The following PATJ variants were observed in gnomAD, a reference collection of about 807,000 sequenced individuals.
PATJ encodes the protein inaD-like protein.
PATJ carries 190 observed loss-of-function variants against 224.9 expected under a neutral mutation model. The observed-to-expected ratio is 0.84, with a 90% CI of 0.75 to 0.95. The LOEUF (loss-of-function observed/expected upper bound fraction) is 0.95, where lower values mean the gene tolerates loss of function less well. PATJ is among the 40% of genes least tolerant of loss of function. PATJ has a pLI of 0.00. For synonymous variants in PATJ, 769 were observed against 820.3 expected (o/e 0.94, Z 1.07); for missense variants, 2,121 against 2,270.3 (o/e 0.93, Z 1.34).
intron 26 of PATJ, among the ~76,000 whole-genome samples, chr1:61,923,644 G>A (rs545993822): frequency 7.4e-4 from 113 of 152,228 alleles, no homozygotes; most frequent in African/African-American, 2.1e-3. Context: ...CTAGCCGGGC[G>A]TGGTGGCTCA....
intron 1 of PATJ, among the ~76,000 whole-genome samples, chr1:61,753,989 A>C (rs548547604): frequency 6.6e-6 from 1 of 152,294 alleles, no homozygotes; most frequent in South Asian, 2.1e-4. Context: ...ACAATATTAT[A>C]ATAATTTCCT....
chr1:61,827,591 A>T lies in PATJ; in HGVS notation c.1980+8A>T. ...TCTCTTCCTGAGACAGAGGTACTAA[A>T]TGAATATAGTGCATTTCCCATAGGC... On this transcript the variant is annotated splice_region_variant and intron_variant, in intron 16 of 43. Transcript: ENST00000642238. 1 of 1,613,018 alleles carries T rather than the reference A, an allele frequency of 6.2e-7. No individual in the cohort carries two copies. Among genetic ancestry groups the T allele is most frequent in the Admixed American group, 1.7e-5 (1 of 59,922 alleles).
At chr1:61,877,024 G>A (rs982735584) in intron 21 of PATJ, among the ~76,000 whole-genome samples, 2 of 152,184 alleles carry the variant, frequency 1.3e-5, no homozygotes, top group African/African-American at 4.8e-5. Context: ...CTGTTTCCCA[G>A]GCTTTGCTCG....
intron 26 of PATJ, among the ~76,000 whole-genome samples, chr1:61,915,045 A>G (rs1673258228): frequency 6.6e-6 from 1 of 152,158 alleles, no homozygotes; most frequent in South Asian, 2.1e-4. Context: ...TTCTTTAAGG[A>G]CCACATCAAA....
At chr1:62,047,859 C>T (rs1315033279) in intron 30 of PATJ, among the ~76,000 whole-genome samples, 1 of 152,156 alleles carries the variant, frequency 6.6e-6, no homozygotes, top group Non-Finnish European at 1.5e-5. Flanking sequence ...CTATCTAATA[C>T]AATTTTCTGG....
rs1338912380 is a variant in PATJ, at chr1:62,161,036, C to T, written c.5631C>T (p.Thr1877=). Reference sequence around the variant, plus strand: ...TAAAACACCAGAGAGGGACTGTAACCTTAACTGTGCTGTCATGAGCCTCGG... The same window carrying T: ...TAAAACACCAGAGAGGGACTGTAACTTTAACTGTGCTGTCATGAGCCTCGG... ...AILKHQRGTV[T]LTVLS is the part of the protein sequence containing the mutation. The change falls in exon 44 of 44, where the codon ACC becomes ACT. Residue 1877 remains threonine, a synonymous_variant. Transcript: ENST00000642238. 2 of 1,577,580 alleles carry T rather than the reference C, an allele frequency of 1.3e-6. No homozygotes were observed. Among genetic ancestry groups the T allele is most frequent in the Non-Finnish European group, 1.7e-6 (2 of 1,162,770 alleles).
intron 6 of PATJ, among the ~76,000 whole-genome samples, 158 bp from the exon 7 acceptor site, chr1:61,775,048 C>A (rs1646837459): frequency 6.6e-6 from 1 of 152,192 alleles, no homozygotes; most frequent in Non-Finnish European, 1.5e-5. Context: ...ATATGATTAT[C>A]TCTGTCTGTA....
chr1:61,832,855 T>C (rs1659574770), intron 16 of PATJ, among the ~76,000 whole-genome samples: 1 of 152,206 alleles, frequency 6.6e-6, no homozygotes, highest in Admixed American at 6.5e-5. Flanking sequence ...AGAAGGTTTT[T>C]TGAAGCAGCC....
At chr1:61,952,467 T>C (rs1486018165) in intron 27 of PATJ, 1 of 716,560 alleles carries the variant, frequency 1.4e-6, no homozygotes, top group Non-Finnish European at 2.6e-6. Context: ...AATCTGATGC[T>C]GTTTTAGTGT....
At chr1:61,898,598 C>G (rs1670695221) in intron 22 of PATJ, among the ~76,000 whole-genome samples, 1 of 152,008 alleles carries the variant, frequency 6.6e-6, no homozygotes, top group Admixed American at 6.6e-5. Flanking sequence ...TAGAGTAATA[C>G]AATTTACAAC....
chr1:61,840,894 A>G (rs1660979141), intron 17 of PATJ, among the ~76,000 whole-genome samples: 1 of 152,112 alleles, frequency 6.6e-6, no homozygotes, highest in South Asian at 2.1e-4. Context: ...ACCACTTAAA[A>G]TGGATCCTTT....
At chr1:62,140,900 C>T (rs1453404751) in intron 41 of PATJ, among the ~76,000 whole-genome samples, 1 of 151,520 alleles carries the variant, frequency 6.6e-6, no homozygotes, top group African/African-American at 2.4e-5. Context: ...GAGAGCAAGA[C>T]CTCATCTCTA....
intron 1 of PATJ, among the ~76,000 whole-genome samples, chr1:61,754,319 T>G (rs1645499257): frequency 6.6e-6 from 1 of 152,200 alleles, no homozygotes; most frequent in South Asian, 2.1e-4. Flanking sequence ...GAGTGAGACA[T>G]AGGTTCCATT....
intron 17 of PATJ, among the ~76,000 whole-genome samples, chr1:61,844,045 T>A (rs779911438): frequency 7.9e-5 from 12 of 152,182 alleles, no homozygotes; most frequent in Non-Finnish European, 1.6e-4. Context: ...TAAATTCAAT[T>A]TGGAGTAGAC....
At chr1:61,814,673 A>G (rs1044048392) in intron 14 of PATJ, among the ~76,000 whole-genome samples, 1 of 152,070 alleles carries the variant, frequency 6.6e-6, no homozygotes, top group Non-Finnish European at 1.5e-5. Context: ...ATTTTTCTTC[A>G]TTTTGATCAG....
intron 20 of PATJ, among the ~76,000 whole-genome samples, chr1:61,874,178 T>TTATA (rs1048812951): frequency 3.7e-5 from 2 of 53,732 alleles, no homozygotes; most frequent in African/African-American, 5.3e-5. Context: ...CCTATTTTAT[T>TTATA]TATTTATTTA....
At chr1:61,932,611 T>G (rs919344229) in intron 27 of PATJ, among the ~76,000 whole-genome samples, 74 of 152,310 alleles carry the variant, frequency 4.9e-4, no homozygotes, top group African/African-American at 1.7e-3. Flanking sequence ...ATAAAATAAC[T>G]GTAGTGTGCG....
intron 31 of PATJ, among the ~76,000 whole-genome samples, chr1:62,055,281 C>T (rs1386647189): frequency 3.3e-5 from 5 of 152,122 alleles, no homozygotes; most frequent in Admixed American, 1.3e-4. Flanking sequence ...TTGCTGACAT[C>T]GGAGCTCAAG....
At chr1:61,974,364 A>G (rs2149475730) in intron 27 of PATJ, among the ~76,000 whole-genome samples, 1 of 148,626 alleles carries the variant, frequency 6.7e-6, no homozygotes, top group African/African-American at 2.5e-5. Flanking sequence ...TCTCCATTAG[A>G]TAATTGCCTC....
Sources: gnomAD v4.1 joint callset for allele counts (sites outside exome capture counted in the v4.1 genomes callset) on GRCh38, gnomAD v4.1.1 for gene constraint, MANE v1.5 for transcripts, NCBI Gene and HGNC (gene_info 2026-07-23, HGNC 2026-07-21) for gene names.